TMEM38B: variants seen among roughly 807,000 people sequenced by gnomAD.
The protein encoded by TMEM38B is transmembrane protein 38B, also known as trimeric intracellular cation channel type B.
TMEM38B carries 24 observed loss-of-function variants against 28.7 expected under a neutral mutation model. The observed-to-expected ratio is 0.84, with a 90% CI of 0.61 to 1.18. The LOEUF (loss-of-function observed/expected upper bound fraction) is 1.18. TMEM38B is among the 50% of genes most tolerant of loss of function. The probability of loss-of-function intolerance (pLI) is 0.00; values close to 1 mark genes in which losing one functional copy is unlikely to be tolerated. For missense variants in TMEM38B, 380 were observed against 350.9 expected (o/e 1.08, Z -0.66); for synonymous variants, 131 against 127.7 (o/e 1.03, Z -0.17).
intron 5 of TMEM38B, among the ~76,000 whole-genome samples, chr9:105,772,611 A>G (rs1826589173): frequency 6.6e-6 from 1 of 152,110 alleles, no homozygotes; most frequent in South Asian, 2.1e-4. Context: ...GAGTCCTGAT[A>G]TAAGCTATTT....
chr9:105,694,692 C>A lies in TMEM38B; in HGVS notation c.32C>A (p.Ala11Asp), dbSNP rs1457713450. 1.2e-6 allele frequency: 2 copies of A among 1,613,968 alleles called. No homozygotes were observed. Among genetic ancestry groups the A allele is most frequent in the Non-Finnish European group, 1.7e-6 (2 of 1,179,868 alleles). The change falls in exon 1 of 6, where the codon GCC becomes GAC. Residue 11 changes from alanine (A) to aspartate (D), a missense_variant. Coordinates refer to ENST00000374692, the MANE Select transcript of TMEM38B (RefSeq NM_018112.3). The part of the protein sequence containing the change: MDSPWDELAL[A>D]FSRTSMFPFF... ...TCTCCATGGGACGAGTTGGCTCTGG[C>A]CTTCTCCCGCACGTCCATGTTTCCC...
chr9:105,698,915 C>G (rs1412475575), intron 1 of TMEM38B, among the ~76,000 whole-genome samples: 1 of 151,966 alleles, frequency 6.6e-6, no homozygotes, highest in Non-Finnish European at 1.5e-5. Context: ...TAATTTATGT[C>G]TCTCTCAGGA....
chr9:105,705,636 G>C lies in TMEM38B; in HGVS notation c.152G>C (p.Trp51Ser). Residue 51 changes from tryptophan (W) to serine (S), a missense_variant, in exon 2 of 6, where the codon TGG (tryptophan) becomes TCG (serine). Physicochemically the swap from Trp to Ser is radical, Grantham distance 177. Coordinates refer to ENST00000374692, the MANE Select transcript of TMEM38B (RefSeq NM_018112.3). ...ALAWKNPISS[W>S]FTAMLHCFGG... is the part of the protein sequence containing the mutation. ...GCATGGAAGAATCCTATTTCAAGCT[G>C]GTTTACTGCTATGCTCCACTGTTTT... 6.2e-7 allele frequency: 1 copy of C among 1,613,934 alleles called. No homozygotes were observed. Among genetic ancestry groups the C allele is most frequent in the Non-Finnish European group, 8.5e-7 (1 of 1,179,972 alleles).
chr9:105,763,145 A>G (rs1838127433), intron 5 of TMEM38B, among the ~76,000 whole-genome samples: 1 of 150,420 alleles, frequency 6.6e-6, no homozygotes, highest in African/African-American at 2.5e-5. Context: ...TTCATTGTAG[A>G]TTCTGGATAT....
chr9:105,734,544 C>G (rs1327025442), intron 4 of TMEM38B, among the ~76,000 whole-genome samples: 1 of 151,776 alleles, frequency 6.6e-6, no homozygotes, highest in Non-Finnish European at 1.5e-5. Context: ...ATTGACGTAC[C>G]CTACTATTAT....
At chr9:105,758,569 A>G (rs1348835970) in intron 5 of TMEM38B, 9 of 1,153,096 alleles carry the variant, frequency 7.8e-6, no homozygotes, top group Non-Finnish European at 7.9e-6. Flanking sequence ...TTTCTTAAGA[A>G]TCATGTAATT....
At chr9:105,724,632 AAAAAAG>A (rs1400943518) in intron 4 of TMEM38B, among the ~76,000 whole-genome samples, 1 of 145,414 alleles carries the variant, frequency 6.9e-6, no homozygotes, top group African/African-American at 2.7e-5. Flanking sequence ...TCAAAAAAAA[AAAAAAG>A]AAGAAGGTGG....
intron 5 of TMEM38B, among the ~76,000 whole-genome samples, chr9:105,749,495 C>A (rs903570522): frequency 6.6e-6 from 1 of 152,200 alleles, no homozygotes; most frequent in Non-Finnish European, 1.5e-5. Flanking sequence ...TTACCTTCAT[C>A]TGGCCCCGCC....
chr9:105,748,340 T>C (rs1448232122), intron 5 of TMEM38B, 150 bp downstream of exon 5: 5 of 607,442 alleles, frequency 8.2e-6, no homozygotes, highest in East Asian at 5.8e-5. Flanking sequence ...AGCACATCCA[T>C]GACTTTCTGA....
intron 5 of TMEM38B, among the ~76,000 whole-genome samples, chr9:105,761,236 CTTTTGTA>C (rs778874419): frequency 5.9e-5 from 9 of 152,176 alleles, no homozygotes; most frequent in Non-Finnish European, 1.3e-4. Context: ...ATGTTGCACT[CTTTTGTA>C]TATTCTTTTT....
In TMEM38B at chr9:105,773,907, C is replaced by G. The variant is rs574546409; in HGVS notation, c.703C>G (p.Pro235Ala). The G allele has an allele frequency of 5.0e-6, 8 of 1,613,596 alleles. No homozygotes were observed. The highest frequency in any genetic ancestry group is 6.8e-6 in the Non-Finnish European group (8 of 1,179,730). The change falls in exon 6 of 6, where the codon CCT becomes GCT. Residue 235 changes from proline to alanine, a missense_variant. Pro to Ala is a conservative substitution (Grantham distance 27, BLOSUM62 -1). Transcript: ENST00000374692. The part of the protein sequence containing the change: ...TTQTSTMTFA[P>A]FEDTLSWMLF... ...ACAGACTTCTACTATGACATTTGCT[C>G]CTTTTGAGGATACATTGAGTTGGAT...
chr9:105,740,932 A>G (rs1416990270), intron 4 of TMEM38B, among the ~76,000 whole-genome samples: 3 of 152,154 alleles, frequency 2.0e-5, no homozygotes, highest in Non-Finnish European at 2.9e-5. Context: ...CTAAAGTTCT[A>G]ATGGTGTTTA....
intron 2 of TMEM38B, among the ~76,000 whole-genome samples, chr9:105,713,658 G>A (rs1399999446): frequency 3.9e-5 from 6 of 152,306 alleles, no homozygotes; most frequent in East Asian, 1.9e-4. Context: ...GCTTCTTGGT[G>A]GAAGGGGGCG....
At chr9:105,730,288 A>G (rs2133589845) in intron 4 of TMEM38B, among the ~76,000 whole-genome samples, 1 of 152,244 alleles carries the variant, frequency 6.6e-6, no homozygotes, top group African/African-American at 2.4e-5. Flanking sequence ...TTAGCATGAA[A>G]GGCTGTTGAA....
chr9:105,715,781 T>C (rs748675190), intron 2 of TMEM38B, among the ~76,000 whole-genome samples: 1 of 152,194 alleles, frequency 6.6e-6, no homozygotes, highest in Non-Finnish European at 1.5e-5. Context: ...TGTGTGTTCT[T>C]TTATGTCTTA....
intron 5 of TMEM38B, among the ~76,000 whole-genome samples, chr9:105,768,287 G>T (rs1354667500): frequency 6.6e-6 from 1 of 152,002 alleles, no homozygotes; most frequent in Non-Finnish European, 1.5e-5. Context: ...ACCCCATTTA[G>T]TCATGATGCG....
chr9:105,763,027 C>A lies in TMEM38B; in HGVS notation c.661-10838C>A, dbSNP rs576080377. ...TGGCCAGTGATGGTGAGCATTTTTT[C>A]ATGTGTTTTTTGGCTGCATAAATGT... On this transcript the variant is annotated intron_variant, in intron 5 of 5. Coordinates refer to ENST00000374692, the MANE Select transcript of TMEM38B (RefSeq NM_018112.3). Among the ~76,000 whole-genome samples, 118 of 147,738 alleles carry A rather than the reference C, an allele frequency of 8.0e-4. 1 individual carries two copies. Among genetic ancestry groups the A allele is most frequent in the Non-Finnish European group, 1.5e-3 (104 of 67,126 alleles).
chr9:105,740,715 G>C lies in TMEM38B; in HGVS notation c.543-7358G>C, dbSNP rs1478358840. Among the ~76,000 whole-genome samples, 3 of 152,278 alleles carry C rather than the reference G, an allele frequency of 2.0e-5. No individual in the cohort carries two copies. In the East Asian group the frequency reaches 5.8e-4, roughly 29 times the overall value. Reference sequence around the variant, plus strand: ...TGTCCCCACAAGTAACTCTTTTAGAGTGTTTTCCTTCTTTTCCTTCTCCAC... The same window carrying C: ...TGTCCCCACAAGTAACTCTTTTAGACTGTTTTCCTTCTTTTCCTTCTCCAC... On this transcript the variant is annotated intron_variant, in intron 4 of 5. Coordinates refer to ENST00000374692, the MANE Select transcript of TMEM38B (RefSeq NM_018112.3).
intron 5 of TMEM38B, among the ~76,000 whole-genome samples, chr9:105,766,146 G>A (rs151174671): frequency 5.3e-4 from 81 of 152,204 alleles, no homozygotes; most frequent in African/African-American, 1.9e-3. Flanking sequence ...GAATTGCTAG[G>A]TCATCTGAAA....
Sources: gnomAD v4.1 joint callset for allele counts (sites outside exome capture counted in the v4.1 genomes callset) on GRCh38, gnomAD v4.1.1 for gene constraint, MANE v1.5 for transcripts, NCBI Gene and HGNC (gene_info 2026-07-23, HGNC 2026-07-21) for gene names.